WDFY2: variants seen among roughly 807,000 people sequenced by gnomAD.
The protein encoded by WDFY2 is WD repeat and FYVE domain containing 2.
In WDFY2, 36 loss-of-function variants were observed where a neutral mutation model predicts 56.4. The observed-to-expected ratio is 0.64, with a 90% CI of 0.49 to 0.84. The LOEUF is 0.84. Ranked by LOEUF, WDFY2 falls within the 40% of genes least tolerant of loss-of-function variation. The probability of loss-of-function intolerance (pLI) is 0.00; values close to 1 mark genes in which losing one functional copy is unlikely to be tolerated. For missense variants in WDFY2, 444 were observed against 512.2 expected (o/e 0.87, Z 1.29); for synonymous variants, 176 against 183.7 (o/e 0.96, Z 0.34).
At chr13:51,642,593 C>G (rs887479555) in intron 1 of WDFY2, among the ~76,000 whole-genome samples, 1 of 151,880 alleles carries the variant, frequency 6.6e-6, no homozygotes, top group African/African-American at 2.4e-5. Flanking sequence ...CGTGCCCAGC[C>G]AGAGGTTTTT....
chr13:51,725,475 C>T (rs1184546945), intron 5 of WDFY2, among the ~76,000 whole-genome samples: 1 of 151,970 alleles, frequency 6.6e-6, no homozygotes, highest in Non-Finnish European at 1.5e-5. Flanking sequence ...ATCACTTGAG[C>T]CTAGGAGTTT....
chr13:51,719,021 T>G (rs1452652910), intron 4 of WDFY2, among the ~76,000 whole-genome samples, 177 bp from the exon 5 acceptor site: 1 of 152,130 alleles, frequency 6.6e-6, no homozygotes, highest in African/African-American at 2.4e-5. Context: ...CACGCCTGTT[T>G]AAAGGGGAAT....
At chr13:51,611,586 G>T (rs976930018) in intron 1 of WDFY2, among the ~76,000 whole-genome samples, 11 of 152,142 alleles carry the variant, frequency 7.2e-5, no homozygotes, top group African/African-American at 2.7e-4. Context: ...TTGGTTATCT[G>T]TTCAGTTGTC....
At chr13:51,724,346 T>A (rs2138644385) in intron 5 of WDFY2, among the ~76,000 whole-genome samples, 1 of 149,560 alleles carries the variant, frequency 6.7e-6, no homozygotes, top group African/African-American at 2.5e-5. Context: ...CAAGCGATTC[T>A]CCTGCCTCAG....
intron 1 of WDFY2, among the ~76,000 whole-genome samples, chr13:51,641,612 G>A (rs61958300): frequency 1.4e-5 from 2 of 143,954 alleles, no homozygotes; most frequent in African/African-American, 5.0e-5. Flanking sequence ...GGATCACGAG[G>A]TCAGGAGATC....
chr13:51,752,058 T>G (rs1953250432), intron 8 of WDFY2, among the ~76,000 whole-genome samples: 1 of 152,222 alleles, frequency 6.6e-6, no homozygotes, highest in Admixed American at 6.5e-5. Flanking sequence ...GGGTAGACTT[T>G]CCCTTTGACA....
chr13:51,595,059 A>G (rs1488104937), intron 1 of WDFY2, among the ~76,000 whole-genome samples: 1 of 152,100 alleles, frequency 6.6e-6, no homozygotes, highest in African/African-American at 2.4e-5. Context: ...TGTCATCTTT[A>G]TACCACCACT....
chr13:51,632,134 C>T (rs559712961), intron 1 of WDFY2, among the ~76,000 whole-genome samples: 44 of 151,964 alleles, frequency 2.9e-4, no homozygotes, highest in Non-Finnish European at 4.7e-4. Flanking sequence ...TGTCTTTTAA[C>T]ACTTAGTATG....
At chr13:51,641,823 C>A (rs1212076706) in intron 1 of WDFY2, among the ~76,000 whole-genome samples, 17 of 69,724 alleles carry the variant, frequency 2.4e-4, no homozygotes, top group Admixed American at 1.1e-3. Flanking sequence ...GAGACTCCGT[C>A]TCAAAAAAAA....
At chr13:51,639,375 T>A (rs1955113972) in intron 1 of WDFY2, among the ~76,000 whole-genome samples, 1 of 152,214 alleles carries the variant, frequency 6.6e-6, no homozygotes, top group Non-Finnish European at 1.5e-5. Context: ...ATCTGTATAC[T>A]GTGGTTTTCC....
intron 3 of WDFY2, among the ~76,000 whole-genome samples, chr13:51,694,198 T>G (rs1427550730): frequency 1.3e-5 from 2 of 152,326 alleles, no homozygotes; most frequent in Middle Eastern, 3.4e-3. Flanking sequence ...AAGTTAATAT[T>G]TTTATGTGTG....
intron 2 of WDFY2, among the ~76,000 whole-genome samples, chr13:51,672,561 TG>T (rs1239744569): frequency 6.6e-6 from 1 of 152,180 alleles, no homozygotes; most frequent in African/African-American, 2.4e-5. Flanking sequence ...GTTTTAGGGT[TG>T]TTTTTTCTAG....
intron 6 of WDFY2, among the ~76,000 whole-genome samples, chr13:51,729,006 C>T (rs1952664185): frequency 6.6e-6 from 1 of 152,174 alleles, no homozygotes; most frequent in Admixed American, 6.5e-5. Flanking sequence ...CGCATTCTAG[C>T]CCGCGGTCCT....
intron 4 of WDFY2, among the ~76,000 whole-genome samples, chr13:51,703,927 A>G (rs911621323): frequency 6.6e-6 from 1 of 152,204 alleles, no homozygotes; most frequent in Non-Finnish European, 1.5e-5. Context: ...CTGCTTTTCA[A>G]CGTACAGCAG....
chr13:51,585,909 C>G (rs1408935275), intron 1 of WDFY2: 1 of 397,228 alleles, frequency 2.5e-6, no homozygotes, highest in South Asian at 1.3e-4. Flanking sequence ...CAATTGAGCT[C>G]GATAGGTTTG....
intron 1 of WDFY2, among the ~76,000 whole-genome samples, chr13:51,607,137 A>C (rs566589153): frequency 2.0e-4 from 30 of 152,210 alleles, no homozygotes; most frequent in Non-Finnish European, 3.5e-4. Context: ...AACATAGCAT[A>C]TTTCATTGAT....
At chr13:51,696,137 G>A (rs557183780) in intron 3 of WDFY2, among the ~76,000 whole-genome samples, 1 of 152,316 alleles carries the variant, frequency 6.6e-6, no homozygotes, top group African/African-American at 2.4e-5. Context: ...CCCGAGTGAG[G>A]CAATGCCTCG....
chr13:51,724,594 G>A (rs1415448093), intron 5 of WDFY2, among the ~76,000 whole-genome samples: 1 of 152,100 alleles, frequency 6.6e-6, no homozygotes, highest in Non-Finnish European at 1.5e-5. Flanking sequence ...CAGCAAAATT[G>A]AGCAGAAAGT....
intron 4 of WDFY2, among the ~76,000 whole-genome samples, chr13:51,715,348 G>T (rs1371110364): frequency 4.0e-5 from 6 of 151,730 alleles, no homozygotes; most frequent in African/African-American, 1.2e-4. Context: ...TAGGTTTTTT[G>T]GTTTTTTAAA....
Sources: gnomAD v4.1 joint callset for allele counts (sites outside exome capture counted in the v4.1 genomes callset) on GRCh38, gnomAD v4.1.1 for gene constraint, MANE v1.5 for transcripts, NCBI Gene and HGNC (gene_info 2026-07-23, HGNC 2026-07-21) for gene names.